The following PRKN variants were observed in gnomAD, a reference collection of about 807,000 sequenced individuals.
PRKN encodes E3 ubiquitin-protein ligase parkin.
Under a neutral mutation model 59.5 loss-of-function variants are expected in PRKN, and 56 were observed. The observed-to-expected ratio is 0.94, with a 90% CI of 0.76 to 1.18. The LOEUF is 1.18. PRKN is among the 50% of genes most tolerant of loss of function. PRKN has a pLI of 0.00. For synonymous variants in PRKN, 250 were observed against 222.1 expected (o/e 1.13, Z -1.12); for missense variants, 657 against 596.4 (o/e 1.10, Z -1.06).
At chr6:161,749,835 C>G (rs764889456) in intron 7 of PRKN, among the ~76,000 whole-genome samples, 2 of 152,034 alleles carry the variant, frequency 1.3e-5, no homozygotes, top group African/African-American at 2.4e-5. Flanking sequence ...TGCTCCCCAC[C>G]CACATTCACC....
rs2115124984 is a variant in PRKN, at chr6:161,451,509, C to T, written c.1084-64632G>A. 6.6e-6 allele frequency among the ~76,000 whole-genome samples: 1 copy of T among 152,280 alleles called. No homozygotes were observed. The highest frequency in any genetic ancestry group is 1.5e-5 in the Non-Finnish European group (1 of 68,032). On this transcript the variant is annotated intron_variant, in intron 9 of 11. Coordinates refer to ENST00000366898, the MANE Select transcript of PRKN (RefSeq NM_004562.3). The surrounding 1 kb of genome is among the most constrained non-coding windows in gnomAD (Gnocchi z 5.9). ...GCCTCAGGATACCACCTGCCCACGG[C>T]CCACCTGAGGGAACCTGCTGCCCAC...
At chr6:162,346,082 T>C (rs1467149791) in intron 2 of PRKN, among the ~76,000 whole-genome samples, 3 of 152,154 alleles carry the variant, frequency 2.0e-5, no homozygotes, top group Non-Finnish European at 4.4e-5. Context: ...TTCTAGGACA[T>C]TCCAGCCTTC....
rs1784640927 is a variant in PRKN, at chr6:161,353,530, C to T, written c.1286-3319G>A. 6.6e-6 allele frequency among the ~76,000 whole-genome samples: 1 copy of T among 152,204 alleles called. No homozygotes were observed. The highest frequency in any genetic ancestry group is 1.5e-5 in the Non-Finnish European group (1 of 68,034). On this transcript the variant is annotated intron_variant, in intron 11 of 11. Coordinates refer to ENST00000366898, the MANE Select transcript of PRKN (RefSeq NM_004562.3). The surrounding 1 kb of genome is among the most constrained non-coding windows in gnomAD (Gnocchi z 4.8). ...TGGGGAGCTTCCAGGTTGCTGAACACATGGAGGTTTCTGATGGGCGGAGCA... is the reference window on the plus strand; with the variant it reads ...TGGGGAGCTTCCAGGTTGCTGAACATATGGAGGTTTCTGATGGGCGGAGCA...
chr6:162,561,786 T>C (rs1279911370), intron 1 of PRKN, among the ~76,000 whole-genome samples: 1 of 152,136 alleles, frequency 6.6e-6, no homozygotes, highest in Non-Finnish European at 1.5e-5. Flanking sequence ...GGTCGGAACT[T>C]GAGTGCCTGC....
intron 1 of PRKN, among the ~76,000 whole-genome samples, chr6:162,684,051 C>T (rs1779874398): frequency 6.6e-6 from 1 of 152,012 alleles, no homozygotes; most frequent in African/African-American, 2.4e-5. Flanking sequence ...GTTGGTATTC[C>T]ATTACATATA....
intron 6 of PRKN, among the ~76,000 whole-genome samples, chr6:161,809,262 G>T (rs1791463118): frequency 6.6e-6 from 1 of 151,036 alleles, no homozygotes; most frequent in South Asian, 2.1e-4. Flanking sequence ...AAGGCAGGGG[G>T]GGAAGGGGGA....
rs1048173391 is a variant in PRKN, at chr6:161,811,530, T to C, written c.735-25622A>G. Among the ~76,000 whole-genome samples the C allele has an allele frequency of 2.6e-5, 4 of 152,154 alleles. No individual in the cohort carries two copies. The South Asian group carries it at 6.2e-4, about 24-fold the overall frequency. ...GACAAGAGGAGAAACATATGCACGA[T>C]AGCAACAGTAACATAACCATTGTCC... On this transcript the variant is annotated intron_variant, in intron 6 of 11. Coordinates refer to ENST00000366898, the MANE Select transcript of PRKN (RefSeq NM_004562.3).
At chr6:161,435,339 C>A (rs1484182398) in intron 9 of PRKN, among the ~76,000 whole-genome samples, 1 of 152,148 alleles carries the variant, frequency 6.6e-6, no homozygotes, top group African/African-American at 2.4e-5. Flanking sequence ...TCAAGCCATG[C>A]TCTGACGCCT....
In PRKN at chr6:161,360,081, G is replaced by T; in HGVS notation, c.1285+7C>A. ...ACATCCTCATTCTCTGCTCAGCACAGACTCACCATTTTTTTCCACTGGTAC... is the reference window on the plus strand; with the variant it reads ...ACATCCTCATTCTCTGCTCAGCACATACTCACCATTTTTTTCCACTGGTAC... On this transcript the variant is annotated splice_region_variant and intron_variant, in intron 11 of 11. Transcript: ENST00000366898. The surrounding 1 kb of genome is among the most constrained non-coding windows in gnomAD (Gnocchi z 5.1). 2 of 1,584,500 alleles carry T rather than the reference G, an allele frequency of 1.3e-6. No individual in the cohort carries two copies. Among genetic ancestry groups the T allele is most frequent in the Non-Finnish European group, 1.7e-6 (2 of 1,152,904 alleles).
At chr6:161,838,679 A>C (rs758781885) in intron 6 of PRKN, among the ~76,000 whole-genome samples, 8 of 152,202 alleles carry the variant, frequency 5.3e-5, no homozygotes, top group Non-Finnish European at 1.0e-4. Context: ...CCATTGCAGG[A>C]ACTGTCCCCG....
chr6:162,062,250 C>A (rs1778132821), intron 4 of PRKN, among the ~76,000 whole-genome samples: 1 of 152,118 alleles, frequency 6.6e-6, no homozygotes, highest in Non-Finnish European at 1.5e-5. Flanking sequence ...AAGCAGTGTC[C>A]TGTTACCTAT....
At chr6:162,131,807 A>G (rs1781371505) in intron 4 of PRKN, among the ~76,000 whole-genome samples, 1 of 152,254 alleles carries the variant, frequency 6.6e-6, no homozygotes, top group Non-Finnish European at 1.5e-5. Flanking sequence ...AAAAGAGAAC[A>G]TTTAAAAATG....
chr6:161,634,784 C>T (rs748912780), intron 7 of PRKN, among the ~76,000 whole-genome samples: 2 of 152,168 alleles, frequency 1.3e-5, no homozygotes, highest in Non-Finnish European at 1.5e-5. Flanking sequence ...GTCATAAGAA[C>T]TCAAAAAAGT....
In PRKN at chr6:161,497,598, CCAT is replaced by C. The variant is rs1463262269; in HGVS notation, c.1083+51253_1083+51255del. On this transcript the variant is annotated intron_variant, in intron 9 of 11. Coordinates refer to ENST00000366898, the MANE Select transcript of PRKN (RefSeq NM_004562.3). This position sits in a 1 kb window ranked among gnomAD's most constrained non-coding sequence, Gnocchi z 4.6. The stretch of plus-strand genomic sequence containing the variant: ...TCTCTCACACACACACACACACACA[CCAT>C]ATCCCACTTACAGACTGAATACTTT... Among the ~76,000 whole-genome samples, 14 of 151,836 alleles carry C rather than the reference CCAT, an allele frequency of 9.2e-5. No individual in the cohort carries two copies. The highest frequency in any genetic ancestry group is 3.3e-4 in the Admixed American group (5 of 15,238).
chr6:162,501,545 G>A (rs1322709267), intron 1 of PRKN, among the ~76,000 whole-genome samples: 5 of 148,878 alleles, frequency 3.4e-5, no homozygotes, highest in Non-Finnish European at 7.4e-5. Flanking sequence ...TAGTAGAGAC[G>A]AGGTTTCACC....
chr6:161,482,315 G>A (rs1187690797), intron 9 of PRKN, among the ~76,000 whole-genome samples: 1 of 152,174 alleles, frequency 6.6e-6, no homozygotes, highest in Non-Finnish European at 1.5e-5. Flanking sequence ...TTGACTGTGT[G>A]AAGAATATTT....
chr6:161,392,632 G>A (rs556190993), intron 9 of PRKN, among the ~76,000 whole-genome samples: 122 of 151,486 alleles, frequency 8.1e-4, no homozygotes, highest in Non-Finnish European at 5.7e-4. Flanking sequence ...CAGTGTGGTG[G>A]TTTCCTTTCA....
chr6:162,319,799 A>G lies in PRKN; in HGVS notation c.172-57034T>C, dbSNP rs1053226419. Among the ~76,000 whole-genome samples, 5 of 152,030 alleles carry G rather than the reference A, an allele frequency of 3.3e-5. No individual in the cohort carries two copies. In the South Asian group the frequency reaches 6.2e-4, roughly 19 times the overall value. Reference sequence around the variant, plus strand: ...CATTGTAAATACATAATACATACACAAATACACAAAAATTCATTGTAAATA... The same window carrying G: ...CATTGTAAATACATAATACATACACGAATACACAAAAATTCATTGTAAATA... On this transcript the variant is annotated intron_variant, in intron 2 of 11. Transcript: ENST00000366898.
At chr6:161,469,055 C>T (rs2115186484) in intron 9 of PRKN, among the ~76,000 whole-genome samples, 1 of 152,310 alleles carries the variant, frequency 6.6e-6, no homozygotes, top group Admixed American at 6.5e-5. Flanking sequence ...TGCCACCTCC[C>T]CCATGTCTGT....
Sources: allele counts gnomAD v4.1 joint callset (sites outside exome capture counted in the v4.1 genomes callset), GRCh38; gene constraint gnomAD v4.1.1; non-coding constraint Gnocchi (gnomAD v3.1); transcripts MANE v1.5; gene names NCBI Gene and HGNC (gene_info 2026-07-23, HGNC 2026-07-21).